Variants in PCSK2 observed in about 807,000 individuals in gnomAD.
PCSK2 encodes proprotein convertase subtilisin/kexin type 2.
In PCSK2, 14 loss-of-function variants were observed where a neutral mutation model predicts 69.7. The observed-to-expected ratio is 0.20, with a 90% CI of 0.13 to 0.31. The LOEUF (loss-of-function observed/expected upper bound fraction) is 0.31. Ranked by LOEUF, PCSK2 falls within the 10% of genes least tolerant of loss-of-function variation. PCSK2 has a pLI of 1.00. For synonymous variants in PCSK2, 307 were observed against 320.7 expected, an observed-to-expected ratio of 0.96 and a Z score of 0.46; for missense variants, 544 against 842.5, an observed-to-expected ratio of 0.65 and a Z score of 4.39.
At chr20:17,352,269 T>C (rs1326156782) in intron 2 of PCSK2, among the ~76,000 whole-genome samples, 1 of 152,216 alleles carries the variant, frequency 6.6e-6, no homozygotes, top group East Asian at 1.9e-4. Flanking sequence ...AAAATGGTCA[T>C]ACTGCCCAAA....
Position 17,453,846 on chromosome 20 carries a change from C to T in PCSK2, c.990C>T (p.Ser330=), listed in dbSNP as rs1407510413. 1 of 1,614,262 alleles carries T rather than the reference C, an allele frequency of 6.2e-7. No homozygotes were observed. The stretch of plus-strand genomic sequence containing the variant: ...ACGCCTCCAGCATGTGGACCATCTC[C>T]ATCAACTCAGCCATCAACGACGGCA... ...DGYASSMWTI[S]INSAINDGRT... The change falls in exon 9 of 12, where the codon TCC becomes TCT. Residue 330 remains serine (S), a synonymous_variant. Coordinates refer to ENST00000262545, the MANE Select transcript of PCSK2 (RefSeq NM_002594.5). This position sits in a 1 kb window ranked among gnomAD's most constrained non-coding sequence, Gnocchi z 4.0.
intron 2 of PCSK2, among the ~76,000 whole-genome samples, chr20:17,354,384 G>A (rs2030123126): frequency 6.6e-6 from 1 of 152,146 alleles, no homozygotes; most frequent in Admixed American, 6.5e-5. Context: ...GTAATAAAAG[G>A]TATAGTGTAT....
At chr20:17,446,295 G>A (rs939160097) in intron 8 of PCSK2, among the ~76,000 whole-genome samples, 1 of 152,138 alleles carries the variant, frequency 6.6e-6, no homozygotes, top group African/African-American at 2.4e-5. Flanking sequence ...TAAATCAGAG[G>A]CCAGGGCAAC....
Position 17,408,624 on chromosome 20 carries a change from A to G in PCSK2, c.544-639A>G, listed in dbSNP as rs553562607. 2.6e-5 allele frequency among the ~76,000 whole-genome samples: 4 copies of G among 152,348 alleles called. No homozygotes were observed. The South Asian group carries it at 6.2e-4, about 24-fold the overall frequency. On this transcript the variant is annotated intron_variant, in intron 5 of 11. Coordinates refer to ENST00000262545, the MANE Select transcript of PCSK2 (RefSeq NM_002594.5). The stretch of plus-strand genomic sequence containing the variant: ...TGATGTCTGTTCCCGCAACTAGGCT[A>G]TAAGTTACATAAGGGCAGGGATGCC...
chr20:17,402,183 G>C (rs1318635791), intron 5 of PCSK2, among the ~76,000 whole-genome samples: 1 of 152,088 alleles, frequency 6.6e-6, no homozygotes, highest in Non-Finnish European at 1.5e-5. Flanking sequence ...ACAGGGTTTT[G>C]GAAAATATCA....
intron 2 of PCSK2, among the ~76,000 whole-genome samples, chr20:17,279,835 C>A (rs1036767743): frequency 2.0e-5 from 3 of 151,682 alleles, no homozygotes; most frequent in Admixed American, 6.6e-5. Flanking sequence ...TGCAAATATC[C>A]TTGTTTCTCT....
intron 8 of PCSK2, among the ~76,000 whole-genome samples, chr20:17,439,937 T>C (rs761019679): frequency 7.2e-5 from 11 of 152,100 alleles, no homozygotes; most frequent in Non-Finnish European, 1.5e-4. Context: ...AGGAAGCACA[T>C]AGGGCACCAA....
intron 2 of PCSK2, among the ~76,000 whole-genome samples, chr20:17,279,314 A>C (rs569184444): frequency 1.8e-4 from 28 of 152,316 alleles, no homozygotes; most frequent in Middle Eastern, 3.4e-3. Context: ...ATCTTTGCCT[A>C]CAATGGTGCC....
intron 5 of PCSK2, among the ~76,000 whole-genome samples, chr20:17,372,858 A>C (rs1329860827): frequency 1.3e-5 from 2 of 152,174 alleles, no homozygotes; most frequent in African/African-American, 4.8e-5. Flanking sequence ...CTTCGGAGCT[A>C]CTAACCACAC....
At chr20:17,427,808 G>C (rs2269004) in intron 6 of PCSK2, among the ~76,000 whole-genome samples, 22 of 152,178 alleles carry the variant, frequency 1.4e-4, no homozygotes, top group Admixed American at 8.5e-4. Context: ...TGGGGTGTCA[G>C]GCATTACAGG....
intron 2 of PCSK2, among the ~76,000 whole-genome samples, chr20:17,348,520 A>G (rs1186509544): frequency 6.6e-6 from 1 of 152,238 alleles, no homozygotes; most frequent in Non-Finnish European, 1.5e-5. Context: ...GCAGCACAGT[A>G]CGCTAGAGAA....
chr20:17,462,388 C>A (rs1186533621), intron 10 of PCSK2, among the ~76,000 whole-genome samples: 50 of 152,130 alleles, frequency 3.3e-4, no homozygotes, highest in Non-Finnish European at 7.4e-5. Context: ...GGATTAAATG[C>A]AAATTCTCAG....
intron 11 of PCSK2, among the ~76,000 whole-genome samples, chr20:17,469,367 G>A (rs1438922586): frequency 1.3e-5 from 2 of 152,172 alleles, no homozygotes; most frequent in Non-Finnish European, 2.9e-5. Context: ...GGGAGCAGGG[G>A]TGAATATTTT....
intron 1 of PCSK2, among the ~76,000 whole-genome samples, chr20:17,233,720 G>A (rs1000353951): frequency 2.4e-4 from 37 of 152,186 alleles, no homozygotes; most frequent in African/African-American, 8.4e-4. Flanking sequence ...AAAGACGCCT[G>A]TAACAGGCTG....
At chr20:17,434,465 CG>C (rs1669160012) in intron 7 of PCSK2, among the ~76,000 whole-genome samples, 1 of 152,166 alleles carries the variant, frequency 6.6e-6, no homozygotes, top group South Asian at 2.1e-4. Flanking sequence ...AAAAGAATGT[CG>C]GGTGCCTGGT....
intron 11 of PCSK2, 66 bp downstream of exon 11, chr20:17,465,619 G>A (rs2033088644): frequency 1.0e-6 from 1 of 960,894 alleles, no homozygotes; most frequent in African/African-American, 1.6e-5. Flanking sequence ...CCATGGCATT[G>A]GCATAATATC....
chr20:17,349,861 C>T (rs540884184), intron 2 of PCSK2, among the ~76,000 whole-genome samples: 1 of 152,280 alleles, frequency 6.6e-6, no homozygotes, highest in South Asian at 2.1e-4. Flanking sequence ...AGGGCCCATC[C>T]CTAGCAACTC....
chr20:17,277,726 A>T (rs77221198), intron 2 of PCSK2, among the ~76,000 whole-genome samples: 20,186 of 151,096 alleles, frequency 0.13, 1,937 homozygotes, highest in East Asian at 0.53. Context: ...AATGGGATCT[A>T]ATTAAACTAA....
At chr20:17,369,641 AAG>A (rs2030700494) in intron 5 of PCSK2, among the ~76,000 whole-genome samples, 1 of 152,220 alleles carries the variant, frequency 6.6e-6, no homozygotes, top group Non-Finnish European at 1.5e-5. Flanking sequence ...GCAGCAGGCA[AAG>A]GCAGTGGCTT....
Sources: allele counts gnomAD v4.1 joint callset (sites outside exome capture counted in the v4.1 genomes callset), GRCh38; gene constraint gnomAD v4.1.1; non-coding constraint Gnocchi (gnomAD v3.1); transcripts MANE v1.5; gene names NCBI Gene and HGNC (gene_info 2026-07-23, HGNC 2026-07-21).